The following METTL21A variants were observed in gnomAD, a reference collection of about 807,000 sequenced individuals.
METTL21A encodes methyltransferase 21A, HSPA lysine, also known as protein N-lysine methyltransferase METTL21A.
METTL21A carries 22 observed loss-of-function variants against 20.9 expected under a neutral mutation model. The ratio of observed to expected loss-of-function variants is 1.05; its 90% confidence interval spans 0.75 to 1.50. The LOEUF (loss-of-function observed/expected upper bound fraction) is 1.50, where lower values mean the gene tolerates loss of function less well. METTL21A is among the 40% of genes most tolerant of loss of function. METTL21A has a pLI of 0.00. For missense variants in METTL21A, 271 were observed against 266.8 expected (o/e 1.02, Z -0.11); for synonymous variants, 93 against 102.0 (o/e 0.91, Z 0.53).
chr2:207,600,775 G>C (rs1266196781), intron 3 of METTL21A: 3 of 209,836 alleles, frequency 1.4e-5, no homozygotes, highest in African/African-American at 4.5e-5. Context: ...GTTTATCTCT[G>C]TCTCTCAGGA....
chr2:207,617,271 GA>G (rs1472060792), intron 3 of METTL21A, among the ~76,000 whole-genome samples: 12 of 152,346 alleles, frequency 7.9e-5, no homozygotes, highest in African/African-American at 2.9e-4. Flanking sequence ...ATGTGGGAGA[GA>G]CACATAAACA....
exon 2 of METTL21A, chr2:207,624,312 C>A (rs777995851): frequency 1.2e-6 from 2 of 1,613,848 alleles, no homozygotes; most frequent in African/African-American, 2.7e-5. Flanking sequence ...GAAAAAGTTG[C>A]AAGAGGCTTG....
At chr2:207,582,099 G>A (rs1258150242) in exon 4 of METTL21A, 1 of 702,762 alleles carries the variant, frequency 1.4e-6, no homozygotes, top group South Asian at 1.5e-5. Context: ...CTCCACTGTT[G>A]AGCTACCATT....
downstream of METTL21A, among the ~76,000 whole-genome samples, chr2:207,608,851 C>T (rs1012244207): frequency 5.9e-5 from 9 of 152,192 alleles, no homozygotes; most frequent in South Asian, 2.1e-4. Flanking sequence ...GGCGTGAATA[C>T]GGGAGGCGGA....
chr2:207,624,366 C>G (rs924619831), exon 2 of METTL21A: 4 of 1,612,842 alleles, frequency 2.5e-6, no homozygotes, highest in Non-Finnish European at 3.4e-6. Context: ...TCATAGGGCA[C>G]GAGGGCCATT....
chr2:207,597,202 C>A, intron 3 of METTL21A: 1 of 873,512 alleles, frequency 1.1e-6, no homozygotes, highest in Non-Finnish European at 1.6e-6. Flanking sequence ...GAATTTCATT[C>A]ATTTGTGCTT....
At chr2:207,590,274 C>A (rs1192668917) in intron 3 of METTL21A, among the ~76,000 whole-genome samples, 11 of 151,524 alleles carry the variant, frequency 7.3e-5, no homozygotes, top group Non-Finnish European at 1.5e-4. Context: ...TAGGGATGTC[C>A]CCCCGCTTCA....
chr2:207,598,235 A>G lies in METTL21A; in HGVS notation c.260-16075T>C, dbSNP rs2106636828. 5 of 183,764 alleles carry G rather than the reference A, an allele frequency of 2.7e-5. No homozygotes were observed. In the South Asian group the frequency reaches 9.8e-4, roughly 36 times the overall value. 11.4% of individuals were successfully genotyped at this position (183,764 alleles called of 1,614,324 possible). A position where few individuals can be genotyped will look rare whatever the true frequency, so the allele number is the denominator to read the frequency against. ...TGCACAAGGAAAGTTATTTTCAGAC[A>G]TATTTGAATGACTGCTGTACTGCAA... On this transcript the variant is annotated intron_variant, in intron 3 of 3. Coordinates refer to the METTL21A transcript ENST00000425132.
chr2:207,586,923 CTT>C (rs1206178316), intron 3 of METTL21A, among the ~76,000 whole-genome samples: 4 of 152,256 alleles, frequency 2.6e-5, no homozygotes, highest in South Asian at 2.1e-4. Context: ...AACTCTTCCT[CTT>C]TGTGTTAGGA....
downstream of METTL21A, among the ~76,000 whole-genome samples, chr2:207,608,587 A>T (rs1575099842): frequency 6.6e-6 from 1 of 152,004 alleles, no homozygotes. Flanking sequence ...CCTCTAACCC[A>T]CCCTGCCCCA....
intron 3 of METTL21A, chr2:207,615,590 G>A (rs2089593221): frequency 6.6e-6 from 1 of 152,068 alleles, no homozygotes; most frequent in Non-Finnish European, 1.5e-5. Context: ...CAGCTACTCA[G>A]GAGGCTGAGG....
intron 3 of METTL21A, among the ~76,000 whole-genome samples, chr2:207,620,453 TAAATA>T (rs58925319): frequency 0.049 from 7,228 of 146,818 alleles, 194 homozygotes; most frequent in South Asian, 0.065. Context: ...AAAAAATAAA[TAAATA>T]AAATAAAATA....
intron 3 of METTL21A, among the ~76,000 whole-genome samples, chr2:207,621,354 GA>G (rs1421218102): frequency 6.6e-6 from 1 of 152,144 alleles, no homozygotes; most frequent in Non-Finnish European, 1.5e-5. Context: ...CCCTACAAGA[GA>G]AAAACCAGCA....
rs528497779 is a variant in METTL21A at position 207,620,960 on chromosome 2, G to A, written c.259+846C>T. Among the ~76,000 whole-genome samples, 17 of 152,214 alleles carry A rather than the reference G, an allele frequency of 1.1e-4. 1 individual carries two copies. The South Asian group carries it at 1.5e-3, about 13-fold the overall frequency. On this transcript the variant is annotated intron_variant, in intron 3 of 3. Transcript: ENST00000406927. ...GTGTAGTCTGAGAACCAGCAGTGTC[G>A]GCATCACTACTGACATTTCTACTGC... is the stretch of plus-strand genomic sequence containing the variant.
At chr2:207,625,165 C>T (rs924936696) in intron 1 of METTL21A, 2 of 152,250 alleles carry the variant, frequency 1.3e-5, no homozygotes, top group African/African-American at 4.8e-5. Flanking sequence ...GTCACAGGGC[C>T]TCTTAGGATC....
intron 3 of METTL21A, among the ~76,000 whole-genome samples, chr2:207,614,241 T>C (rs2089381849): frequency 6.6e-6 from 1 of 151,994 alleles, no homozygotes; most frequent in Non-Finnish European, 1.5e-5. Flanking sequence ...TCTCTACAAA[T>C]AATTTTTTTT....
intron 3 of METTL21A, among the ~76,000 whole-genome samples, chr2:207,588,934 G>A (rs1458723030): frequency 6.6e-6 from 1 of 151,922 alleles, no homozygotes. Flanking sequence ...AAATTATCAT[G>A]TCACCTACAA....
At chr2:207,584,317 T>C (rs1320645309) in intron 3 of METTL21A, among the ~76,000 whole-genome samples, 2 of 152,224 alleles carry the variant, frequency 1.3e-5, no homozygotes, top group Non-Finnish European at 2.9e-5. Context: ...TTGCCAAAAC[T>C]TGACATTGTC....
intron 3 of METTL21A, among the ~76,000 whole-genome samples, chr2:207,590,333 C>T (rs1317116633): frequency 6.6e-6 from 1 of 151,712 alleles, no homozygotes; most frequent in Non-Finnish European, 1.5e-5. Context: ...GTATTCGCCA[C>T]CCCTACCCCA....
Sources: allele counts gnomAD v4.1 joint callset (sites outside exome capture counted in the v4.1 genomes callset), GRCh38; gene constraint gnomAD v4.1.1; transcripts MANE v1.5; gene names NCBI Gene and HGNC (gene_info 2026-07-23, HGNC 2026-07-21).